The following CTNNA3 variants were observed in gnomAD, a reference collection of about 807,000 sequenced individuals.
CTNNA3 encodes the protein catenin alpha 3.
A neutral mutation model predicts 95.7 loss-of-function variants in CTNNA3; 76 were observed. The observed-to-expected ratio is 0.79, with a 90% CI of 0.66 to 0.96. The LOEUF is 0.96. CTNNA3 is among the 40% of genes least tolerant of loss of function. The probability of loss-of-function intolerance (pLI) is 0.00; values close to 1 mark genes in which losing one functional copy is unlikely to be tolerated. For missense variants in CTNNA3, 1,191 were observed against 1,089.8 expected (o/e 1.09, Z -1.31); for synonymous variants, 431 against 374.4 (o/e 1.15, Z -1.74).
chr10:66,609,508 C>A (rs1441150707), intron 10 of CTNNA3, among the ~76,000 whole-genome samples: 1 of 151,570 alleles, frequency 6.6e-6, no homozygotes, highest in Non-Finnish European at 1.5e-5. Context: ...AAACGCTCAA[C>A]ATCACCTATC....
At chr10:66,422,512 T>G (rs1310272501) in intron 11 of CTNNA3, among the ~76,000 whole-genome samples, 1 of 151,894 alleles carries the variant, frequency 6.6e-6, no homozygotes, top group South Asian at 2.1e-4. Flanking sequence ...GATGATCTTT[T>G]TGTTTCTTTT....
chr10:66,899,748 C>A (rs540276880), intron 7 of CTNNA3, among the ~76,000 whole-genome samples: 101 of 152,232 alleles, frequency 6.6e-4, no homozygotes, highest in Admixed American at 1.9e-3. Context: ...TTGCTCACTG[C>A]TAGCACAGCA....
At chr10:66,631,991 C>A (rs1281506098) in intron 9 of CTNNA3, among the ~76,000 whole-genome samples, 1 of 150,368 alleles carries the variant, frequency 6.7e-6, no homozygotes, top group Admixed American at 6.6e-5. Flanking sequence ...TTATAAATTT[C>A]ATAGCAGTAT....
At chr10:66,205,115 A>G (rs1487809010) in intron 13 of CTNNA3, among the ~76,000 whole-genome samples, 4 of 152,068 alleles carry the variant, frequency 2.6e-5, no homozygotes, top group African/African-American at 9.7e-5. Context: ...TTTTCTGTCC[A>G]CTAATTAAGC....
chr10:67,633,755 T>C (rs926238372), intron 2 of CTNNA3, among the ~76,000 whole-genome samples: 10 of 151,842 alleles, frequency 6.6e-5, no homozygotes, highest in Non-Finnish European at 1.3e-4. Flanking sequence ...CTTGCTGAAA[T>C]AGAGCAGGAA....
intron 14 of CTNNA3, among the ~76,000 whole-genome samples, chr10:66,070,679 T>C (rs771830380): frequency 6.6e-6 from 1 of 152,170 alleles, no homozygotes; most frequent in African/African-American, 2.4e-5. Context: ...GCCACTGATT[T>C]CCAATATGAC....
intron 10 of CTNNA3, among the ~76,000 whole-genome samples, chr10:66,577,374 T>C (rs1292932383): frequency 6.6e-6 from 1 of 152,124 alleles, no homozygotes; most frequent in East Asian, 1.9e-4. Flanking sequence ...CAATTACTTT[T>C]GGGAACTTAG....
At chr10:66,793,995 C>T (rs74141689) in intron 7 of CTNNA3, among the ~76,000 whole-genome samples, 36,024 of 151,884 alleles carry the variant, frequency 0.24, 4,801 homozygotes, top group African/African-American at 0.37. Flanking sequence ...TTCAAACTTT[C>T]CCCCTCACCT....
chr10:67,095,424 A>G (rs1029091838), intron 7 of CTNNA3, among the ~76,000 whole-genome samples: 3 of 151,834 alleles, frequency 2.0e-5, no homozygotes, highest in Non-Finnish European at 4.4e-5. Flanking sequence ...TAAGAAACTC[A>G]CTAAAGAAAA....
intron 10 of CTNNA3, among the ~76,000 whole-genome samples, chr10:66,618,589 C>T (rs562670742): frequency 2.6e-5 from 4 of 152,224 alleles, no homozygotes; most frequent in African/African-American, 9.6e-5. Context: ...AAACGTTAGA[C>T]CTAAAACCAT....
At chr10:67,159,601 G>C (rs1189226894) in intron 7 of CTNNA3, among the ~76,000 whole-genome samples, 1 of 152,170 alleles carries the variant, frequency 6.6e-6, no homozygotes, top group Non-Finnish European at 1.5e-5. Context: ...CAACAAGGGT[G>C]TCAAGAATAC....
chr10:66,772,050 A>T (rs1416334746), intron 8 of CTNNA3, among the ~76,000 whole-genome samples: 1 of 152,064 alleles, frequency 6.6e-6, no homozygotes, highest in African/African-American at 2.4e-5. Context: ...TGTACAAGTC[A>T]TATGTACAAA....
chr10:67,170,004 C>T (rs1054355791), intron 7 of CTNNA3, among the ~76,000 whole-genome samples: 2 of 152,124 alleles, frequency 1.3e-5, no homozygotes, highest in African/African-American at 4.8e-5. Context: ...ATGTGGCCAA[C>T]TAGCACATAA....
In CTNNA3 at chr10:67,313,443, A is replaced by AAT. The variant is rs1554821829; in HGVS notation, c.580-93574_580-93573insAT. Among the ~76,000 whole-genome samples, 8 of 145,162 alleles carry AAT rather than the reference A, an allele frequency of 5.5e-5. No homozygotes were observed. In the East Asian group the frequency reaches 6.0e-4, roughly 11 times the overall value. On this transcript the variant is annotated intron_variant, in intron 5 of 17. Coordinates refer to ENST00000433211, the MANE Select transcript of CTNNA3 (RefSeq NM_013266.4). The stretch of plus-strand genomic sequence containing the variant: ...CGAGAATCCGTCTCAAAAAAAAAAA[A>AAT]AATAATAATAATAATAAAATAAACT...
chr10:66,448,472 A>G (rs2093439670), intron 11 of CTNNA3, among the ~76,000 whole-genome samples: 2 of 152,220 alleles, frequency 1.3e-5, no homozygotes, highest in Non-Finnish European at 1.5e-5. Flanking sequence ...TGTGGCACAT[A>G]TACACCATGG....
At chr10:66,269,435 GTT>G in intron 13 of CTNNA3, among the ~76,000 whole-genome samples, 1 of 152,014 alleles carries the variant, frequency 6.6e-6, no homozygotes, top group Non-Finnish European at 1.5e-5. Flanking sequence ...AAAATCCCTG[GTT>G]TTATTTTAAT....
chr10:66,109,301 A>C (rs1316230974), intron 13 of CTNNA3, among the ~76,000 whole-genome samples: 1 of 152,154 alleles, frequency 6.6e-6, no homozygotes. Context: ...CCAGAGACAG[A>C]CTTAGCCTCA....
At chr10:67,624,241 C>G (rs1843948321) in intron 2 of CTNNA3, among the ~76,000 whole-genome samples, 1 of 152,124 alleles carries the variant, frequency 6.6e-6, no homozygotes, top group Non-Finnish European at 1.5e-5. Context: ...ACTTCTGGTC[C>G]CTTCCCTGAG....
chr10:66,706,005 T>C (rs1337195499), intron 9 of CTNNA3, among the ~76,000 whole-genome samples: 1 of 152,100 alleles, frequency 6.6e-6, no homozygotes, highest in Non-Finnish European at 1.5e-5. Context: ...TTTACTCAAG[T>C]AGTGTATTAT....
Sources: gnomAD v4.1 joint callset for allele counts (sites outside exome capture counted in the v4.1 genomes callset) on GRCh38, gnomAD v4.1.1 for gene constraint, MANE v1.5 for transcripts, NCBI Gene and HGNC (gene_info 2026-07-23, HGNC 2026-07-21) for gene names.